The following RIMS2 variants were observed in gnomAD, a reference collection of about 807,000 sequenced individuals.
RIMS2 encodes regulating synaptic membrane exocytosis 2, also known as regulating synaptic membrane exocytosis protein 2.
A neutral mutation model predicts 174.4 loss-of-function variants in RIMS2; 59 were observed. That is an observed-to-expected ratio of 0.34 (90% CI 0.27 to 0.42). The LOEUF (loss-of-function observed/expected upper bound fraction) is 0.42. Among genes scored for constraint, RIMS2 ranks in the 10% least tolerant of loss-of-function variants. The pLI is 1.00. For missense variants in RIMS2, 1,620 were observed against 1,666.3 expected (o/e 0.97, Z 0.48); for synonymous variants, 606 against 572.5 (o/e 1.06, Z -0.84).
chr8:103,643,429 T>C (rs568305961), intron 1 of RIMS2, among the ~76,000 whole-genome samples: 3 of 152,248 alleles, frequency 2.0e-5, no homozygotes, highest in African/African-American at 7.2e-5. Context: ...CTCTTCAGAC[T>C]TTTTTCTTGC....
At chr8:103,605,632 G>C (rs1182918103) in intron 1 of RIMS2, among the ~76,000 whole-genome samples, 7 of 151,960 alleles carry the variant, frequency 4.6e-5, no homozygotes, top group African/African-American at 1.4e-4. Context: ...TCTGGTCCTG[G>C]ACTCTTTTTG....
At chr8:103,718,920 G>C (rs1348389332) in intron 2 of RIMS2, among the ~76,000 whole-genome samples, 1 of 152,140 alleles carries the variant, frequency 6.6e-6, no homozygotes, top group East Asian at 1.9e-4. Flanking sequence ...GAAGTGCTGG[G>C]ATTACAGGCA....
chr8:104,126,260 A>G (rs980223843), intron 19 of RIMS2, among the ~76,000 whole-genome samples: 1 of 152,208 alleles, frequency 6.6e-6, no homozygotes, highest in African/African-American at 2.4e-5. Context: ...AAACAAGCAA[A>G]CATGTATAAA....
intron 2 of RIMS2, among the ~76,000 whole-genome samples, chr8:103,752,790 T>C (rs551014654): frequency 6.6e-6 from 1 of 152,186 alleles, no homozygotes; most frequent in African/African-American, 2.4e-5. Context: ...TTTTGTATCC[T>C]GAGACTTTGC....
At chr8:103,638,352 T>C (rs1275807949) in intron 1 of RIMS2, among the ~76,000 whole-genome samples, 1 of 152,152 alleles carries the variant, frequency 6.6e-6, no homozygotes. Flanking sequence ...TCAGTGGATC[T>C]TACCTGCAAC....
chr8:103,748,384 G>A (rs1013726265), intron 2 of RIMS2, among the ~76,000 whole-genome samples: 5 of 151,996 alleles, frequency 3.3e-5, no homozygotes, highest in Admixed American at 6.6e-5. Context: ...AGTTGCGGCT[G>A]CACGAGCCGT....
intron 3 of RIMS2, among the ~76,000 whole-genome samples, chr8:103,837,853 T>G (rs1043506410): frequency 2.0e-5 from 3 of 152,184 alleles, no homozygotes; most frequent in Non-Finnish European, 4.4e-5. Context: ...GCAGCATGAT[T>G]TATAATCCTT....
In RIMS2 at chr8:103,943,028, T is replaced by G. The variant is rs550035750; in HGVS notation, c.2701+102T>G. 3 of 834,032 alleles carry G rather than the reference T, an allele frequency of 3.6e-6. No individual in the cohort carries two copies. The Admixed American group carries it at 8.5e-5, about 24-fold the overall frequency. The allele number at this position is 834,032 out of a possible 1,614,324, so 51.7% of individuals were successfully genotyped here. On this transcript the variant is annotated intron_variant, in intron 14 of 23. Transcript: ENST00000504942. ...AAGATATCTTTGTGAATATTAATAG[T>G]CATTTGTTAGTGTTTCCATAGCTAT...
rs1007404399 is a variant in RIMS2 at position 103,573,929 on chromosome 8, G to C, written c.176+72867G>C. Among the ~76,000 whole-genome samples, 3 of 152,074 alleles carry C rather than the reference G, an allele frequency of 2.0e-5. No individual in the cohort carries two copies. The South Asian group carries it at 6.2e-4, about 32-fold the overall frequency. On this transcript the variant is annotated intron_variant, in intron 1 of 23. Transcript: ENST00000504942. ...CCTTATAGAGATCTTTCACCTATTT[G>C]GTTTGATGTATTCTTAGGTATGGGC...
intron 19 of RIMS2, among the ~76,000 whole-genome samples, chr8:104,200,681 T>A (rs1176073241): frequency 6.6e-6 from 1 of 152,032 alleles, no homozygotes; most frequent in Non-Finnish European, 1.5e-5. Flanking sequence ...CCAAGGCGGG[T>A]GGATCACTTA....
chr8:103,563,380 C>T (rs1170316542), intron 1 of RIMS2, among the ~76,000 whole-genome samples: 1 of 152,146 alleles, frequency 6.6e-6, no homozygotes, highest in Non-Finnish European at 1.5e-5. Context: ...TTCAAAGTTC[C>T]ACAGATCTCT....
chr8:103,870,923 A>G (rs1303768299), intron 3 of RIMS2, among the ~76,000 whole-genome samples: 1 of 152,214 alleles, frequency 6.6e-6, no homozygotes, highest in Non-Finnish European at 1.5e-5. Flanking sequence ...TCTACAGGAT[A>G]AAAGTTCAGA....
intron 19 of RIMS2, among the ~76,000 whole-genome samples, chr8:104,188,261 AGATAGATAGATGGATG>A (rs1046052424): frequency 6.8e-6 from 1 of 147,890 alleles, no homozygotes; most frequent in African/African-American, 2.5e-5. Context: ...ATAGATAGAT[AGATAGATAGATGGATG>A]AAGTATAAAA....
Position 104,112,723 on chromosome 8 carries a change from T to C in RIMS2, c.3334+98108T>C, listed in dbSNP as rs140223782. 8.5e-5 allele frequency among the ~76,000 whole-genome samples: 13 copies of C among 152,284 alleles called. No individual in the cohort carries two copies. The East Asian group carries it at 2.5e-3, about 29-fold the overall frequency. ...ATTTAGGGCATACTGAAATTTTAGGTTCATGGGAGCAAAGTCTTCATCTGT... is the reference window on the plus strand; with the variant it reads ...ATTTAGGGCATACTGAAATTTTAGGCTCATGGGAGCAAAGTCTTCATCTGT... On this transcript the variant is annotated intron_variant, in intron 19 of 23. Coordinates refer to ENST00000504942, the Ensembl canonical transcript of RIMS2.
intron 1 of RIMS2, among the ~76,000 whole-genome samples, chr8:103,664,372 T>C (rs759019311): frequency 6.6e-6 from 1 of 152,112 alleles, no homozygotes; most frequent in Non-Finnish European, 1.5e-5. Context: ...CTTTGCAATC[T>C]ACCCATCTGA....
intron 16 of RIMS2, among the ~76,000 whole-genome samples, chr8:103,988,079 A>T (rs2094474231): frequency 6.6e-6 from 1 of 152,240 alleles, no homozygotes; most frequent in African/African-American, 2.4e-5. Context: ...GTGGAAGGAT[A>T]AAGACATACC....
At chr8:103,613,730 A>T (rs550946383) in intron 1 of RIMS2, among the ~76,000 whole-genome samples, 3 of 152,176 alleles carry the variant, frequency 2.0e-5, no homozygotes, top group Non-Finnish European at 4.4e-5. Flanking sequence ...TTCCGGGACC[A>T]AGGGCTCCTT....
chr8:103,842,731 A>G (rs2098947509), intron 3 of RIMS2, among the ~76,000 whole-genome samples: 1 of 152,190 alleles, frequency 6.6e-6, no homozygotes, highest in South Asian at 2.1e-4. Context: ...TGGTTGTTAT[A>G]GAAGTTTTTT....
chr8:103,913,111 T>A (rs1403835315), intron 6 of RIMS2, among the ~76,000 whole-genome samples: 1 of 151,172 alleles, frequency 6.6e-6, no homozygotes, highest in Non-Finnish European at 1.5e-5. Flanking sequence ...TAGCTGTGAC[T>A]ATAGGCGCGC....
Sources: allele counts gnomAD v4.1 joint callset (sites outside exome capture counted in the v4.1 genomes callset), GRCh38; gene constraint gnomAD v4.1.1; transcripts MANE v1.5; gene names NCBI Gene and HGNC (gene_info 2026-07-23, HGNC 2026-07-21).